The following HHAT variants were observed in gnomAD, a reference collection of about 807,000 sequenced individuals.
HHAT encodes protein-cysteine N-palmitoyltransferase HHAT.
HHAT carries 47 observed loss-of-function variants against 70.8 expected under a neutral mutation model. The observed-to-expected ratio is 0.66, with a 90% CI of 0.53 to 0.85. HHAT has a LOEUF of 0.85. Ranked by LOEUF, HHAT falls within the 40% of genes least tolerant of loss-of-function variation. The pLI is 0.00. For synonymous variants in HHAT, 228 were observed against 247.6 expected (o/e 0.92, Z 0.74); for missense variants, 609 against 604.8 (o/e 1.01, Z -0.07).
intron 1 of HHAT, among the ~76,000 whole-genome samples, chr1:210,334,516 C>T (rs188337632): frequency 7.6e-4 from 115 of 151,910 alleles, no homozygotes; most frequent in African/African-American, 2.7e-3. Context: ...CTTTTTAGCC[C>T]GGGTTCACAG....
At chr1:210,555,372 C>T (rs924367589) in intron 9 of HHAT, among the ~76,000 whole-genome samples, 11 of 152,272 alleles carry the variant, frequency 7.2e-5, no homozygotes, top group Admixed American at 7.2e-4. Context: ...AGAGAACAAG[C>T]AACAGATCTC....
intron 8 of HHAT, among the ~76,000 whole-genome samples, chr1:210,472,903 C>G (rs2094230333): frequency 1.3e-5 from 2 of 152,070 alleles, no homozygotes; most frequent in Non-Finnish European, 2.9e-5. Flanking sequence ...ATCTAAAGAC[C>G]TAGAATCGAT....
At chr1:210,331,250 G>C (rs182974043) in intron 1 of HHAT, among the ~76,000 whole-genome samples, 48 of 119,638 alleles carry the variant, frequency 4.0e-4, no homozygotes, top group Admixed American at 9.6e-4. Context: ...AGTCCCATCT[G>C]GGGGGGTGTG....
chr1:210,579,851 C>T (rs1658809302), intron 9 of HHAT, among the ~76,000 whole-genome samples: 1 of 152,154 alleles, frequency 6.6e-6, no homozygotes, highest in African/African-American at 2.4e-5. Flanking sequence ...TTTGTGAAGC[C>T]AGAGTTTGGG....
At chr1:210,484,375 T>G (rs1236237958) in intron 8 of HHAT, among the ~76,000 whole-genome samples, 4 of 152,190 alleles carry the variant, frequency 2.6e-5, no homozygotes, top group Non-Finnish European at 1.5e-5. Flanking sequence ...AAGTGTTATA[T>G]CCTTGTCAGG....
At chr1:210,649,941 G>A (rs1674796076) in intron 11 of HHAT, among the ~76,000 whole-genome samples, 1 of 152,210 alleles carries the variant, frequency 6.6e-6, no homozygotes, top group African/African-American at 2.4e-5. Flanking sequence ...TCAGAAATGT[G>A]CTTGTTCAGT....
At chr1:210,532,202 A>G (rs1328244507) in intron 9 of HHAT, among the ~76,000 whole-genome samples, 1 of 152,234 alleles carries the variant, frequency 6.6e-6, no homozygotes, top group Non-Finnish European at 1.5e-5. Context: ...ATGGAAATAG[A>G]TTTTTGAACA....
At chr1:210,393,604 G>T (rs2091592104) in intron 4 of HHAT, among the ~76,000 whole-genome samples, 1 of 152,148 alleles carries the variant, frequency 6.6e-6, no homozygotes, top group Non-Finnish European at 1.5e-5. Context: ...AGGAAATGGA[G>T]TTTACTTATT....
intron 10 of HHAT, among the ~76,000 whole-genome samples, chr1:210,596,773 C>G (rs1663101823): frequency 1.3e-5 from 2 of 152,116 alleles, no homozygotes; most frequent in South Asian, 4.1e-4. Context: ...TTTGAATTCT[C>G]TGCCTGAAAG....
chr1:210,438,103 A>G (rs1410755976), intron 7 of HHAT, among the ~76,000 whole-genome samples: 2 of 151,966 alleles, frequency 1.3e-5, no homozygotes, highest in Non-Finnish European at 2.9e-5. Flanking sequence ...GCCACATAGC[A>G]GGAGTCAGCA....
intron 8 of HHAT, among the ~76,000 whole-genome samples, chr1:210,473,272 GT>G (rs1421397058): frequency 2.0e-5 from 3 of 152,154 alleles, no homozygotes; most frequent in Non-Finnish European, 4.4e-5. Flanking sequence ...CAAAGCGTCT[GT>G]TTTGTCTTAA....
chr1:210,588,926 A>G (rs1250742978), intron 10 of HHAT: 1 of 152,270 alleles, frequency 6.6e-6, no homozygotes, highest in East Asian at 1.9e-4. Flanking sequence ...AAATCAATTA[A>G]GCATTTCTCT....
chr1:210,551,015 T>G (rs558509367), intron 9 of HHAT, among the ~76,000 whole-genome samples: 6 of 148,896 alleles, frequency 4.0e-5, no homozygotes, highest in African/African-American at 1.5e-4. Context: ...TCCTAAAGAC[T>G]GACACAGAGC....
At chr1:210,509,087 C>A (rs1572924286) in intron 8 of HHAT, among the ~76,000 whole-genome samples, 1 of 152,302 alleles carries the variant, frequency 6.6e-6, no homozygotes, top group East Asian at 1.9e-4. Flanking sequence ...TCATTACTGT[C>A]AATGGCAAAG....
At chr1:210,620,346 T>C (rs1668586621) in intron 10 of HHAT, among the ~76,000 whole-genome samples, 2 of 152,152 alleles carry the variant, frequency 1.3e-5, no homozygotes, top group Admixed American at 6.5e-5. Flanking sequence ...AGATCCCTGA[T>C]GTCAAAACCA....
chr1:210,475,511 C>A (rs907258309), intron 8 of HHAT, among the ~76,000 whole-genome samples: 1 of 152,186 alleles, frequency 6.6e-6, no homozygotes, highest in African/African-American at 2.4e-5. Context: ...TTTTTACCTC[C>A]ACCTACATGA....
At chr1:210,347,822 C>T (rs141442680) in intron 1 of HHAT, among the ~76,000 whole-genome samples, 8 of 152,244 alleles carry the variant, frequency 5.3e-5, no homozygotes, top group East Asian at 3.9e-4. Flanking sequence ...TCTTCATCCA[C>T]GGAGGCTGTT....
intron 3 of HHAT, among the ~76,000 whole-genome samples, chr1:210,378,159 C>A (rs7550554): frequency 0.23 from 35,468 of 152,070 alleles, 5,045 homozygotes; most frequent in African/African-American, 0.41. Context: ...AGAATTCTTA[C>A]AAAATTAGTC....
chr1:210,588,780 A>G (rs1163621161), intron 10 of HHAT: 5 of 152,382 alleles, frequency 3.3e-5, no homozygotes, highest in African/African-American at 9.6e-5. Flanking sequence ...ATTTCTACCA[A>G]TGGTGCATAA....
Sources: gnomAD v4.1 joint callset for allele counts (sites outside exome capture counted in the v4.1 genomes callset) on GRCh38, gnomAD v4.1.1 for gene constraint, MANE v1.5 for transcripts, NCBI Gene and HGNC (gene_info 2026-07-23, HGNC 2026-07-21) for gene names.